ZNF331: variants seen among roughly 807,000 people sequenced by gnomAD.
ZNF331 encodes the protein zinc finger protein 331.
Under a neutral mutation model 7.0 loss-of-function variants are expected in ZNF331, and 2 were observed. That is an observed-to-expected ratio of 0.29 (90% CI 0.12 to 0.90). The LOEUF (loss-of-function observed/expected upper bound fraction) is 0.90, where lower values mean the gene tolerates loss of function less well. ZNF331 is among the 40% of genes least tolerant of loss of function. ZNF331 has a pLI of 0.58. For missense variants in ZNF331, 432 were observed against 587.7 expected (o/e 0.74, Z 2.74); for synonymous variants, 196 against 205.4 (o/e 0.95, Z 0.39).
At chr19:53,526,466 T>G (rs2087296732) in intron 2 of ZNF331, among the ~76,000 whole-genome samples, 1 of 152,254 alleles carries the variant, frequency 6.6e-6, no homozygotes, top group South Asian at 2.1e-4. Flanking sequence ...GATTTTGTAT[T>G]TCTTCATGAT....
At chr19:53,506,331 T>C in the ZNF331 span, among the ~76,000 whole-genome samples, 2,190 of 58,026 alleles carry the variant, frequency 0.038, 97 homozygotes, top group African/African-American at 0.056. Context: ...CGAGACTCCG[T>C]CTCAAAAAAA....
At chr19:53,505,108 A>G in the ZNF331 span, among the ~76,000 whole-genome samples, 1 of 152,094 alleles carries the variant, frequency 6.6e-6, no homozygotes, top group Non-Finnish European at 1.5e-5. Flanking sequence ...GCTGTCATAA[A>G]CTGTAAGCAC....
chr19:53,579,605 A>AT lies in ZNF331; in HGVS notation c.*1658dup, dbSNP rs1230049347. ...CTACCATTTGTGTTGCCATTAGTGA[A>AT]TTTTTACAAGAAAACTCCCTGTGGG... On this transcript the variant is annotated 3_prime_UTR_variant, in exon 6 of 6. Transcript: ENST00000449416. 1.0e-5 allele frequency: 2 copies of AT among 199,854 alleles called. No individual in the cohort carries two copies. Among genetic ancestry groups the AT allele is most frequent in the African/African-American group, 4.6e-5 (2 of 43,448 alleles). 12.4% of individuals were successfully genotyped at this position (199,854 alleles called of 1,614,324 possible).
chr19:53,555,639 G>A (rs1048197864), intron 2 of ZNF331: 2 of 152,196 alleles, frequency 1.3e-5, no homozygotes, highest in African/African-American at 2.4e-5. Context: ...GACAGGAGAC[G>A]GTGGCCTCAG....
chr19:53,548,291 T>G (rs2088759443), intron 2 of ZNF331, among the ~76,000 whole-genome samples: 1 of 152,024 alleles, frequency 6.6e-6, no homozygotes, highest in Non-Finnish European at 1.5e-5. Flanking sequence ...TTTTGTATTT[T>G]TAGTAGAGAC....
At chr19:53,564,239 C>T (rs1165828584) in intron 3 of ZNF331, among the ~76,000 whole-genome samples, 1 of 151,736 alleles carries the variant, frequency 6.6e-6, no homozygotes, top group Non-Finnish European at 1.5e-5. Context: ...TTAATTTCAG[C>T]AAAACATCTC....
At chr19:53,566,394 G>A (rs1405226035) in intron 3 of ZNF331, among the ~76,000 whole-genome samples, 1 of 152,094 alleles carries the variant, frequency 6.6e-6, no homozygotes, top group African/African-American at 2.4e-5. Context: ...CTGGGTGCAA[G>A]TGATTCTCCT....
upstream of ZNF331, among the ~76,000 whole-genome samples, chr19:53,514,917 T>TG (rs2086867943): frequency 1.3e-5 from 2 of 152,130 alleles, no homozygotes; most frequent in Admixed American, 6.6e-5. Flanking sequence ...CCCAAAGTGC[T>TG]GGATTACAGG....
At chr19:53,559,505 CACCT>C (rs1413459460) in intron 3 of ZNF331, among the ~76,000 whole-genome samples, 1 of 150,234 alleles carries the variant, frequency 6.7e-6, no homozygotes, top group Non-Finnish European at 1.5e-5. Flanking sequence ...CATATATACA[CACCT>C]ACATATATAC....
At chr19:53,549,708 AATT>A (rs2088859038) in intron 2 of ZNF331, among the ~76,000 whole-genome samples, 3 of 147,120 alleles carry the variant, frequency 2.0e-5, no homozygotes, top group African/African-American at 5.3e-5. Context: ...AAAAAAAAAA[AATT>A]TTTTTTTAAA....
intron 2 of ZNF331, chr19:53,555,279 G>A (rs28698992): frequency 0.013 from 1,350 of 106,452 alleles, 9 homozygotes; most frequent in Non-Finnish European, 0.021. Context: ...GTGTGTGACA[G>A]CACAACCTGT....
chr19:53,506,418 C>A, the ZNF331 span, among the ~76,000 whole-genome samples: 1 of 65,674 alleles, frequency 1.5e-5, no homozygotes. Flanking sequence ...TCTCCTCTCT[C>A]TCTCTCTCTC....
intron 2 of ZNF331, among the ~76,000 whole-genome samples, chr19:53,546,776 C>A (rs12462701): frequency 6.6e-6 from 1 of 152,184 alleles, no homozygotes; most frequent in Non-Finnish European, 1.5e-5. Context: ...GAGCTAATTT[C>A]TGTGTCATCA....
intron 3 of ZNF331, among the ~76,000 whole-genome samples, chr19:53,567,345 A>C (rs1486132951): frequency 1.3e-5 from 2 of 152,084 alleles, no homozygotes; most frequent in African/African-American, 4.8e-5. Context: ...GCCCCTGTTC[A>C]CCCTGGAAGC....
intron 2 of ZNF331, among the ~76,000 whole-genome samples, chr19:53,526,180 G>A (rs2147244445): frequency 6.6e-6 from 1 of 152,316 alleles, no homozygotes; most frequent in East Asian, 1.9e-4. Flanking sequence ...CAGTTTGCTA[G>A]TATCTTGCTG....
At chr19:53,555,221 G>A (rs2089307688) in intron 2 of ZNF331, 1 of 129,084 alleles carries the variant, frequency 7.7e-6, no homozygotes, top group Non-Finnish European at 1.8e-5. Context: ...TGTAGCTCCA[G>A]CTTCTGTGTG....
intron 3 of ZNF331, among the ~76,000 whole-genome samples, chr19:53,559,255 TAC>T (rs144848701): frequency 0.012 from 1,767 of 146,056 alleles, 36 homozygotes; most frequent in African/African-American, 0.042. Flanking sequence ...ACACCCCATG[TAC>T]ACACACATAT....
chr19:53,511,550 A>G, the ZNF331 span, among the ~76,000 whole-genome samples: 1 of 152,162 alleles, frequency 6.6e-6, no homozygotes, highest in Non-Finnish European at 1.5e-5. Context: ...ATCTTGACTC[A>G]GTTTAGATAT....
intron 2 of ZNF331, among the ~76,000 whole-genome samples, chr19:53,530,150 G>A (rs956927685): frequency 1.3e-5 from 2 of 152,112 alleles, no homozygotes; most frequent in Non-Finnish European, 2.9e-5. Flanking sequence ...GGGTAAGGTT[G>A]GGACACAGCG....
Sources: allele counts gnomAD v4.1 joint callset (sites outside exome capture counted in the v4.1 genomes callset), GRCh38; gene constraint gnomAD v4.1.1; transcripts MANE v1.5; gene names NCBI Gene and HGNC (gene_info 2026-07-23, HGNC 2026-07-21).